ZNF660: variants seen among roughly 807,000 people sequenced by gnomAD.
The protein encoded by ZNF660 is zinc finger protein 660.
A neutral mutation model predicts 23.2 loss-of-function variants in ZNF660; 24 were observed. That is an observed-to-expected ratio of 1.04 (90% confidence interval 0.75 to 1.46). The LOEUF (loss-of-function observed/expected upper bound fraction) is 1.46. Among genes scored for constraint, ZNF660 ranks in the 40% most tolerant of loss-of-function variants. The probability of loss-of-function intolerance (pLI) is 0.00; values close to 1 mark genes in which losing one functional copy is unlikely to be tolerated. For missense variants in ZNF660, 373 were observed against 396.8 expected (o/e 0.94, Z 0.51); for synonymous variants, 117 against 131.4 (o/e 0.89, Z 0.75).
At chr3:44,587,485 TTCCC>T (rs1245415656) in intron 2 of ZNF660, among the ~76,000 whole-genome samples, 2 of 152,174 alleles carry the variant, frequency 1.3e-5, no homozygotes, top group African/African-American at 4.8e-5. Flanking sequence ...GGCCTCATGT[TTCCC>T]TCCAAACTTC....
chr3:44,590,596 C>A (rs1052401508), intron 2 of ZNF660, among the ~76,000 whole-genome samples: 1 of 152,142 alleles, frequency 6.6e-6, no homozygotes, highest in Non-Finnish European at 1.5e-5. Context: ...AACATTCAGT[C>A]CATGACAATG....
chr3:44,587,036 A>G (rs951103310), intron 2 of ZNF660: 9 of 152,216 alleles, frequency 5.9e-5, no homozygotes, highest in African/African-American at 1.9e-4. Context: ...ACATGGTGTT[A>G]GCCTTTCCCT....
intron 2 of ZNF660, among the ~76,000 whole-genome samples, chr3:44,588,625 C>T (rs1413996168): frequency 1.3e-5 from 2 of 152,102 alleles, no homozygotes; most frequent in Admixed American, 1.3e-4. Context: ...TCCCAAGTAG[C>T]TGGGACCACA....
In ZNF660 at chr3:44,595,321, A is replaced by G. The variant is rs1383708897; in HGVS notation, c.*132A>G. The G allele has an allele frequency of 1.9e-6, 2 of 1,037,570 alleles. No homozygotes were observed. The highest frequency in any genetic ancestry group is 2.7e-6 in the Non-Finnish European group (2 of 737,412). 64.3% of individuals were successfully genotyped at this position (1,037,570 alleles called of 1,614,324 possible). On this transcript the variant is annotated 3_prime_UTR_variant, in exon 3 of 3. Coordinates refer to ENST00000322734, the MANE Select transcript of ZNF660 (RefSeq NM_173658.4). ...AATAATTAGAAGTAGACAAAGATTA[A>G]TGAAAGGGATGTTCATGACAGCATC...
In ZNF660 at chr3:44,598,022, CTCAG is replaced by C. The variant is rs1700670161; in HGVS notation, c.*2838_*2841del. The C allele has an allele frequency of 6.6e-6, 1 of 152,274 alleles. No individual in the cohort carries two copies. Among genetic ancestry groups the C allele is most frequent in the African/African-American group, 2.4e-5 (1 of 41,450 alleles). 9.4% of individuals were successfully genotyped at this position (152,274 alleles called of 1,614,324 possible). A position where few individuals can be genotyped will look rare whatever the true frequency, so the allele number is the denominator to read the frequency against. Reference sequence around the variant, plus strand: ...GTCTCCCAGGGTTACCAACTTTTACCTCAGTCAGAGTTTAGGCATGCAGCTCTTA... The same window carrying C: ...GTCTCCCAGGGTTACCAACTTTTACCTCAGAGTTTAGGCATGCAGCTCTTA... On this transcript the variant is annotated 3_prime_UTR_variant, in exon 3 of 3. Coordinates refer to ENST00000322734, the MANE Select transcript of ZNF660 (RefSeq NM_173658.4).
intron 2 of ZNF660, among the ~76,000 whole-genome samples, chr3:44,593,001 C>T (rs145512026): frequency 0.025 from 3,842 of 151,380 alleles, 106 homozygotes; most frequent in African/African-American, 0.066. Context: ...TGCAGTGAGC[C>T]GAGATCGTGC....
intron 2 of ZNF660, among the ~76,000 whole-genome samples, chr3:44,587,663 T>A (rs1366025035): frequency 6.6e-6 from 1 of 152,216 alleles, no homozygotes; most frequent in Non-Finnish European, 1.5e-5. Context: ...CCTCCTCAGC[T>A]CCTCCATCAC....
At chr3:44,593,100 G>A (rs1277656369) in intron 2 of ZNF660, among the ~76,000 whole-genome samples, 2 of 151,514 alleles carry the variant, frequency 1.3e-5, no homozygotes, top group Non-Finnish European at 2.9e-5. Context: ...CCCCTATGAA[G>A]TAGGCTATGA....
Position 44,599,357 on chromosome 3 carries a change from C to G in ZNF660, c.*4168C>G, listed in dbSNP as rs967873127. The G allele has an allele frequency of 1.3e-5, 2 of 152,092 alleles. No homozygotes were observed. Among genetic ancestry groups the G allele is most frequent in the Non-Finnish European group, 2.9e-5 (2 of 68,024 alleles). The allele number at this position is 152,092 out of a possible 1,614,324, so 9.4% of individuals were successfully genotyped here. On this transcript the variant is annotated 3_prime_UTR_variant, in exon 3 of 3. Coordinates refer to ENST00000322734, the MANE Select transcript of ZNF660 (RefSeq NM_173658.4). ...AAAGTGTCGCCCTGGACTTAGAAAT[C>G]TTTTTTCATAGATGGTGCGTCCTGT...
At position 44,597,492 on chromosome 3, in the gene ZNF660, T is replaced by C. The variant is rs1166442170; in HGVS notation, c.*2303T>C. On this transcript the variant is annotated 3_prime_UTR_variant, in exon 3 of 3. Transcript: ENST00000322734. The surrounding 1 kb of genome is among the most constrained non-coding windows in gnomAD (Gnocchi z 4.1). ...AAAAAAATTACTGATTTTGTCCTAT[T>C]TTGATAGGATAGTGGTTTGCACATA... is the stretch of plus-strand genomic sequence containing the variant. The C allele has an allele frequency of 6.6e-6, 1 of 152,160 alleles. No homozygotes were observed. Among genetic ancestry groups the C allele is most frequent in the Non-Finnish European group, 1.5e-5 (1 of 68,016 alleles). 9.4% of individuals were successfully genotyped at this position (152,160 alleles called of 1,614,324 possible). A position where few individuals can be genotyped will look rare whatever the true frequency, so the allele number is the denominator to read the frequency against.
chr3:44,591,227 C>T (rs1289927026), intron 2 of ZNF660, among the ~76,000 whole-genome samples: 1 of 152,122 alleles, frequency 6.6e-6, no homozygotes, highest in Non-Finnish European at 1.5e-5. Flanking sequence ...CTCCTGGGCT[C>T]AAGCAATCCT....
intron 2 of ZNF660, among the ~76,000 whole-genome samples, chr3:44,593,440 G>A (rs189862733): frequency 6.6e-6 from 1 of 152,272 alleles, no homozygotes; most frequent in Non-Finnish European, 1.5e-5. Context: ...TGAGCTGGGT[G>A]CGGTGGCTCA....
chr3:44,597,814 G>C lies in ZNF660; in HGVS notation c.*2625G>C, dbSNP rs1700660469. 6.6e-6 allele frequency: 1 copy of C among 152,242 alleles called. No individual in the cohort carries two copies. Among genetic ancestry groups the C allele is most frequent in the Non-Finnish European group, 1.5e-5 (1 of 68,054 alleles). 9.4% of individuals were successfully genotyped at this position (152,242 alleles called of 1,614,324 possible). On this transcript the variant is annotated 3_prime_UTR_variant, in exon 3 of 3. Coordinates refer to ENST00000322734, the MANE Select transcript of ZNF660 (RefSeq NM_173658.4). This position sits in a 1 kb window ranked among gnomAD's most constrained non-coding sequence, Gnocchi z 4.1. ...CTCATAACCAGAGAACTGAATATAG[G>C]AGAGCTTCATATTTCTTGCCCCAGG...
In ZNF660 at chr3:44,594,448, A is replaced by C; in HGVS notation, c.255A>C (p.Lys85Asn). The C allele has an allele frequency of 6.2e-7, 1 of 1,614,120 alleles. No individual in the cohort carries two copies. Among genetic ancestry groups the C allele is most frequent in the African/African-American group, 1.3e-5 (1 of 75,002 alleles). Residue 85 changes from lysine to asparagine, a missense_variant, in exon 3 of 3, where the codon AAA (lysine) becomes AAC (asparagine). Lys to Asn is a moderately conservative substitution (Grantham distance 94, BLOSUM62 0). Coordinates refer to ENST00000322734, the MANE Select transcript of ZNF660 (RefSeq NM_173658.4). The part of the protein sequence containing the change: ...EKPYKCKECG[K>N]AFSHSSNLVV... ...CCTATAAGTGTAAGGAGTGTGGAAA[A>C]GCTTTCAGTCATAGCTCTAACCTTG... is the stretch of plus-strand genomic sequence containing the variant.
Position 44,594,736 on chromosome 3 carries a change from G to C in ZNF660, c.543G>C (p.Gln181His). The C allele has an allele frequency of 6.2e-7, 1 of 1,614,142 alleles. No homozygotes were observed. Among genetic ancestry groups the C allele is most frequent in the Non-Finnish European group, 8.5e-7 (1 of 1,180,032 alleles). Residue 181 changes from glutamine to histidine, a missense_variant, in exon 3 of 3, where the codon CAG (glutamine) becomes CAC (histidine). Gln to His is a conservative substitution (Grantham distance 24). Coordinates refer to ENST00000322734, the MANE Select transcript of ZNF660 (RefSeq NM_173658.4). ...FSRSSNLTQH[Q>H]RMHRGKKVYK... The stretch of plus-strand genomic sequence containing the variant: ...GTAGTTCAAACCTTACTCAACATCA[G>C]CGAATGCACAGAGGAAAAAAAGTTT...
In ZNF660 at chr3:44,598,225, G is replaced by C. The variant is rs182242960; in HGVS notation, c.*3036G>C. On this transcript the variant is annotated 3_prime_UTR_variant, in exon 3 of 3. Transcript: ENST00000322734. The stretch of plus-strand genomic sequence containing the variant: ...GCGTGATCTCAGCTCTCAGCTCACC[G>C]CAACCTCCAGCTCCCAGGTTCAAGC... 1 of 140,350 alleles carries C rather than the reference G, an allele frequency of 7.1e-6. No individual in the cohort carries two copies. The allele number at this position is 140,350 out of a possible 1,614,324, so 8.7% of individuals were successfully genotyped here. A position where few individuals can be genotyped will look rare whatever the true frequency, so the allele number is the denominator to read the frequency against.
In ZNF660 at chr3:44,585,001, G is replaced by C. The variant is rs1013972939; in HGVS notation, c.-296G>C. ...GCTTTGTTCAAGATGTGGGTCTGGC[G>C]CTTTCGGTGAGGGGTGCTCTACAGT... On this transcript the variant is annotated 5_prime_UTR_variant, in exon 1 of 3. Transcript: ENST00000322734. 1.3e-5 allele frequency: 2 copies of C among 152,562 alleles called. No homozygotes were observed. The highest frequency in any genetic ancestry group is 2.9e-5 in the Non-Finnish European group (2 of 68,330). 9.5% of individuals were successfully genotyped at this position (152,562 alleles called of 1,614,324 possible).
rs1485210801 is a variant in ZNF660 at position 44,599,266 on chromosome 3, A to C, written c.*4077A>C. The C allele has an allele frequency of 2.0e-5, 3 of 152,170 alleles. No homozygotes were observed. Among genetic ancestry groups the C allele is most frequent in the Non-Finnish European group, 4.4e-5 (3 of 68,036 alleles). 9.4% of individuals were successfully genotyped at this position (152,170 alleles called of 1,614,324 possible). ...CTTTTTAGTTGAGAGGAAAATACGA[A>C]AATCTCATTTTATATAGCCTTGAGT... On this transcript the variant is annotated 3_prime_UTR_variant, in exon 3 of 3. Coordinates refer to ENST00000322734, the MANE Select transcript of ZNF660 (RefSeq NM_173658.4).
chr3:44,586,018 G>A (rs1164601480), intron 1 of ZNF660, 87 bp from the exon 2 acceptor site: 1 of 152,124 alleles, frequency 6.6e-6, no homozygotes, highest in African/African-American at 2.4e-5. Flanking sequence ...CTATAGGAAG[G>A]GAAGTTACCC....
Sources: gnomAD v4.1 joint callset for allele counts (sites outside exome capture counted in the v4.1 genomes callset) on GRCh38, gnomAD v4.1.1 for gene constraint, Gnocchi (gnomAD v3.1) non-coding constraint, MANE v1.5 for transcripts, NCBI Gene and HGNC (gene_info 2026-07-23, HGNC 2026-07-21) for gene names.